The following SLC7A11 variants were observed in gnomAD, a reference collection of about 807,000 sequenced individuals.
The protein encoded by SLC7A11 is cystine/glutamate transporter.
A neutral mutation model predicts 54.5 loss-of-function variants in SLC7A11; 35 were observed. That is an observed-to-expected ratio of 0.64 (90% CI 0.49 to 0.85). SLC7A11 has a LOEUF of 0.85. Ranked by LOEUF, SLC7A11 falls within the 40% of genes least tolerant of loss-of-function variation. The pLI, the probability that SLC7A11 is intolerant of heterozygous loss-of-function variation, is 0.00. For synonymous variants in SLC7A11, 230 were observed against 225.2 expected, an observed-to-expected ratio of 1.02 and a Z score of -0.19; for missense variants, 583 against 618.1, an observed-to-expected ratio of 0.94 and a Z score of 0.60.
At chr4:138,221,744 C>T (rs906735458) in intron 4 of SLC7A11, among the ~76,000 whole-genome samples, 9 of 152,176 alleles carry the variant, frequency 5.9e-5, no homozygotes, top group Admixed American at 1.3e-4. Context: ...TATATAAATA[C>T]CTGGTAAAAA....
intron 5 of SLC7A11, among the ~76,000 whole-genome samples, chr4:138,215,962 C>T (rs1428961788): frequency 6.6e-6 from 1 of 152,154 alleles, no homozygotes; most frequent in Non-Finnish European, 1.5e-5. Context: ...TTTGCCACAG[C>T]TCCAGGGAGT....
intron 11 of SLC7A11, chr4:138,177,075 A>C (rs1159350434): frequency 6.6e-6 from 1 of 152,174 alleles, no homozygotes; most frequent in Non-Finnish European, 1.5e-5. Context: ...TATTAGTATA[A>C]GATCTAAAGA....
chr4:138,225,138 C>CTATATATATATATA lies in SLC7A11; in HGVS notation c.521-1828_521-1815dup, dbSNP rs36216785. ...TCACTTGATTGAGACAATAATTTCA[C>CTATATATATATATA]TATATATATATATATATATATATAT... On this transcript the variant is annotated intron_variant, in intron 3 of 11. Transcript: ENST00000280612. Among the ~76,000 whole-genome samples, 903 of 118,130 alleles carry CTATATATATATATA rather than the reference C, an allele frequency of 7.6e-3. 6 individuals are homozygous for CTATATATATATATA. Among genetic ancestry groups the CTATATATATATATA allele is most frequent in the Middle Eastern group, 0.018 (4 of 220 alleles). 77.5% of individuals were successfully genotyped at this position (118,130 alleles called of 152,430 possible). A position where few individuals can be genotyped will look rare whatever the true frequency, so the allele number is the denominator to read the frequency against.
chr4:138,183,729 A>G (rs1736805436), intron 7 of SLC7A11, among the ~76,000 whole-genome samples: 1 of 152,152 alleles, frequency 6.6e-6, no homozygotes, highest in Non-Finnish European at 1.5e-5. Flanking sequence ...AGTATTACAG[A>G]TATGTGTTTC....
intron 6 of SLC7A11, among the ~76,000 whole-genome samples, chr4:138,191,902 A>T (rs1737021188): frequency 6.6e-6 from 1 of 152,176 alleles, no homozygotes; most frequent in Non-Finnish European, 1.5e-5. Context: ...TCTAGTGTAC[A>T]AAAGCAAAAT....
intron 2 of SLC7A11, among the ~76,000 whole-genome samples, chr4:138,234,628 T>C (rs1313646681): frequency 1.3e-5 from 2 of 152,152 alleles, no homozygotes; most frequent in African/African-American, 2.4e-5. Context: ...TTGTGGCTGA[T>C]TTCATTTTAG....
In SLC7A11 at chr4:138,173,356, C is replaced by T. The variant is rs115089250; in HGVS notation, c.1445-1339G>A. On this transcript the variant is annotated intron_variant, in intron 11 of 11. Transcript: ENST00000280612. ...ATTTTAAAAGGTATTTTTTTCAGGC[C>T]GGGTGCAGTGGCTCATGTCTGCAAT... Among the ~76,000 whole-genome samples the T allele has an allele frequency of 6.4e-3, 968 of 151,620 alleles. 9 individuals are homozygous for T. Among genetic ancestry groups the T allele is most frequent in the African/African-American group, 0.022 (913 of 41,384 alleles).
chr4:138,238,839 G>C (rs1738305708), intron 1 of SLC7A11, among the ~76,000 whole-genome samples: 1 of 152,142 alleles, frequency 6.6e-6, no homozygotes, highest in African/African-American at 2.4e-5. Context: ...CTGGGCTCAA[G>C]GGGTCTGTCT....
chr4:138,195,134 T>G (rs964469167), intron 6 of SLC7A11, among the ~76,000 whole-genome samples: 4 of 152,166 alleles, frequency 2.6e-5, no homozygotes, highest in Non-Finnish European at 5.9e-5. Flanking sequence ...AAAATAATGA[T>G]CATTACAGAA....
intron 6 of SLC7A11, among the ~76,000 whole-genome samples, chr4:138,202,134 G>A (rs1295414072): frequency 6.6e-6 from 1 of 151,870 alleles, no homozygotes; most frequent in Admixed American, 6.6e-5. Flanking sequence ...AAACCTTCTG[G>A]ACCACAGAGG....
intron 6 of SLC7A11, among the ~76,000 whole-genome samples, chr4:138,210,113 C>T (rs974644159): frequency 2.0e-5 from 3 of 151,826 alleles, no homozygotes; most frequent in Non-Finnish European, 4.4e-5. Flanking sequence ...ATATGATCTC[C>T]AACAAAGTCA....
intron 11 of SLC7A11, chr4:138,174,503 TC>T (rs1180231301): frequency 3.3e-5 from 5 of 152,262 alleles, no homozygotes; most frequent in Non-Finnish European, 5.9e-5. Flanking sequence ...AATGAAGGCT[TC>T]TGCAGAGTAA....
At chr4:138,198,853 T>C (rs910880694) in intron 6 of SLC7A11, among the ~76,000 whole-genome samples, 2 of 152,112 alleles carry the variant, frequency 1.3e-5, no homozygotes, top group African/African-American at 2.4e-5. Flanking sequence ...CAAAGAAATA[T>C]TATACTAGCA....
At chr4:138,221,745 C>T (rs1464823062) in intron 4 of SLC7A11, among the ~76,000 whole-genome samples, 2 of 152,094 alleles carry the variant, frequency 1.3e-5, no homozygotes, top group African/African-American at 4.8e-5. Flanking sequence ...ATATAAATAC[C>T]TGGTAAAAAT....
intron 5 of SLC7A11, 118 bp downstream of exon 5, chr4:138,219,148 C>T (rs1737745945): frequency 3.1e-6 from 2 of 637,462 alleles, no homozygotes; most frequent in East Asian, 2.8e-5. Flanking sequence ...CAAGTAAAGC[C>T]TATCACACTG....
In SLC7A11 at chr4:138,192,224, C is replaced by T. The variant is rs552540835; in HGVS notation, c.792-6980G>A. 1.1e-4 allele frequency among the ~76,000 whole-genome samples: 17 copies of T among 152,286 alleles called. No individual in the cohort carries two copies. The South Asian group carries it at 3.3e-3, about 30-fold the overall frequency. ...GAAGCAGCTACCAAAACAGACACCA[C>T]ATTTCCCAGCCCCTCTTTTATCTAG... On this transcript the variant is annotated intron_variant, in intron 6 of 11. Transcript: ENST00000280612.
chr4:138,201,250 G>A (rs752121009), intron 6 of SLC7A11, among the ~76,000 whole-genome samples: 2 of 151,842 alleles, frequency 1.3e-5, no homozygotes, highest in Non-Finnish European at 2.9e-5. Context: ...ATATAGTATT[G>A]TACAGCTTGA....
chr4:138,227,856 T>C (rs1039282058), intron 3 of SLC7A11, among the ~76,000 whole-genome samples: 3 of 152,224 alleles, frequency 2.0e-5, no homozygotes, highest in East Asian at 3.8e-4. Context: ...AAGTATGTGA[T>C]AGTTGTTCTG....
At chr4:138,225,550 T>C (rs923131409) in intron 3 of SLC7A11, among the ~76,000 whole-genome samples, 1 of 152,050 alleles carries the variant, frequency 6.6e-6, no homozygotes, top group Non-Finnish European at 1.5e-5. Context: ...AAATTATTTA[T>C]CTCTCCCCAA....
Sources: allele counts gnomAD v4.1 joint callset (sites outside exome capture counted in the v4.1 genomes callset), GRCh38; gene constraint gnomAD v4.1.1; transcripts MANE v1.5; gene names NCBI Gene and HGNC (gene_info 2026-07-23, HGNC 2026-07-21).